TBC1D14: variants seen among roughly 807,000 people sequenced by gnomAD.
TBC1D14 encodes the protein TBC1 domain family member 14.
In TBC1D14, 26 loss-of-function variants were observed where a neutral mutation model predicts 79.0. That is an observed-to-expected ratio of 0.33 (90% CI 0.24 to 0.46). The LOEUF (loss-of-function observed/expected upper bound fraction) is 0.46. TBC1D14 is among the 20% of genes least tolerant of loss of function. The pLI is 1.00. For missense variants in TBC1D14, 769 were observed against 887.6 expected (o/e 0.87, Z 1.70); for synonymous variants, 394 against 349.9 (o/e 1.13, Z -1.40).
intron 2 of TBC1D14, among the ~76,000 whole-genome samples, chr4:6,956,384 G>C (rs1446618166): frequency 1.3e-5 from 2 of 152,178 alleles, no homozygotes; most frequent in African/African-American, 4.8e-5. Context: ...TGGAAACCCA[G>C]GTTTTTCTGT....
intron 2 of TBC1D14, among the ~76,000 whole-genome samples, chr4:6,933,389 T>C (rs13149280): frequency 0.65 from 94,206 of 144,720 alleles, 31,231 homozygotes; most frequent in South Asian, 0.8. Flanking sequence ...ACTGCAGACT[T>C]GAACTCCCAG....
Position 6,924,014 on chromosome 4 carries a change from A to G in TBC1D14, c.625A>G (p.Lys209Glu). 1 of 1,614,182 alleles carries G rather than the reference A, an allele frequency of 6.2e-7. No individual in the cohort carries two copies. The highest frequency in any genetic ancestry group is 1.7e-5 in the Admixed American group (1 of 60,026). The change falls in exon 2 of 14, where the codon AAG (lysine) becomes GAG (glutamate). Residue 209 changes from lysine to glutamate, a missense_variant. Lys to Glu is a moderately conservative substitution (Grantham distance 56). This residue lies in a region of TBC1D14 where 402 missense variants were observed against 393.2 expected (regional missense o/e 1.02). Coordinates refer to ENST00000409757, the MANE Select transcript of TBC1D14 (RefSeq NM_020773.3). Reference sequence around the variant, plus strand: ...TACCAACGTCACCTTGAGCTCTATCAAGGAAACCCGTGGCTTACACCAGCA... The same window carrying G: ...TACCAACGTCACCTTGAGCTCTATCGAGGAAACCCGTGGCTTACACCAGCA... The part of the protein sequence containing the change: ...QFTNVTLSSI[K>E]ETRGLHQQDC...
At position 6,923,892 on chromosome 4, in the gene TBC1D14, C is replaced by G. The variant is rs1213861114; in HGVS notation, c.503C>G (p.Thr168Ser). The change falls in exon 2 of 14, where the codon ACC becomes AGC. Residue 168 changes from threonine to serine, a missense_variant. By Grantham distance (58) the Thr-to-Ser change is moderately conservative. This residue lies in a region of TBC1D14 where 402 missense variants were observed against 393.2 expected (regional missense o/e 1.02). Coordinates refer to ENST00000409757, the MANE Select transcript of TBC1D14 (RefSeq NM_020773.3). Reference sequence around the variant, plus strand: ...TCCAGTCTTGGGACAGAGCTGTCCACCACGCTGTCCGTCAGCAATGAGGAC... The same window carrying G: ...TCCAGTCTTGGGACAGAGCTGTCCAGCACGCTGTCCGTCAGCAATGAGGAC... ...SVSSLGTELS[T>S]TLSVSNEDIL... The G allele has an allele frequency of 6.2e-7, 1 of 1,614,166 alleles. No homozygotes were observed. Among genetic ancestry groups the G allele is most frequent in the Admixed American group, 1.7e-5 (1 of 60,030 alleles).
chr4:6,919,749 T>C (rs1187393617), intron 1 of TBC1D14, among the ~76,000 whole-genome samples: 1 of 151,988 alleles, frequency 6.6e-6, no homozygotes, highest in Non-Finnish European at 1.5e-5. Context: ...GCCTCCTGAG[T>C]AGCTAGGATT....
At chr4:6,967,447 G>T in intron 3 of TBC1D14, 23 bp downstream of exon 3, 1 of 1,608,098 alleles carries the variant, frequency 6.2e-7, no homozygotes, top group Non-Finnish European at 8.5e-7. Flanking sequence ...CAAAATCACA[G>T]AAATAGGCTG....
At chr4:6,942,082 A>G (rs4689058) in intron 2 of TBC1D14, among the ~76,000 whole-genome samples, 148,217 of 152,348 alleles carry the variant, frequency 0.97, 72,237 homozygotes, top group Middle Eastern at 1. Context: ...TTGCCCAGAT[A>G]GGGATAGAAT....
intron 2 of TBC1D14, among the ~76,000 whole-genome samples, chr4:6,953,635 A>AAAAAT (rs1714325818): frequency 6.7e-6 from 1 of 148,748 alleles, no homozygotes; most frequent in Non-Finnish European, 1.5e-5. Flanking sequence ...GTCTCAAAAA[A>AAAAAT]AAAAAAAAAA....
chr4:6,959,730 T>A (rs1473517880), intron 2 of TBC1D14, among the ~76,000 whole-genome samples: 1 of 152,212 alleles, frequency 6.6e-6, no homozygotes, highest in Non-Finnish European at 1.5e-5. Flanking sequence ...AAGGCCTTGT[T>A]TTTTGGTACC....
intron 2 of TBC1D14, among the ~76,000 whole-genome samples, chr4:6,936,780 C>T (rs1712374457): frequency 6.6e-6 from 1 of 152,220 alleles, no homozygotes; most frequent in African/African-American, 2.4e-5. Flanking sequence ...CACATCCTCC[C>T]CAGCGTTTGC....
chr4:6,983,000 T>G (rs749062424), intron 3 of TBC1D14, among the ~76,000 whole-genome samples: 2 of 152,242 alleles, frequency 1.3e-5, no homozygotes, highest in Non-Finnish European at 1.5e-5. Flanking sequence ...CTTTTGTATT[T>G]TGTTCTGTGT....
At chr4:6,987,552 G>A in intron 3 of TBC1D14, 1 of 421,994 alleles carries the variant, frequency 2.4e-6, no homozygotes, top group Non-Finnish European at 4.1e-6. Context: ...CTGCTGATGC[G>A]CTCTCCTCCC....
At chr4:7,010,999 T>C (rs2109252073) in intron 11 of TBC1D14, among the ~76,000 whole-genome samples, 1 of 152,360 alleles carries the variant, frequency 6.6e-6, no homozygotes, top group South Asian at 2.1e-4. Context: ...GGTTTCTTAA[T>C]ACGTTCTCTC....
intron 3 of TBC1D14, among the ~76,000 whole-genome samples, chr4:6,979,177 C>G (rs1333960113): frequency 1.3e-5 from 2 of 151,960 alleles, no homozygotes; most frequent in Non-Finnish European, 2.9e-5. Flanking sequence ...AAGCTTGAAT[C>G]AAGACAGGAA....
intron 2 of TBC1D14, among the ~76,000 whole-genome samples, chr4:6,931,486 C>T (rs767056955): frequency 1.3e-5 from 2 of 152,128 alleles, no homozygotes; most frequent in Non-Finnish European, 2.9e-5. Flanking sequence ...CTGATGGTGT[C>T]ACTGCACACA....
At chr4:6,953,000 C>T (rs1161259947) in intron 2 of TBC1D14, among the ~76,000 whole-genome samples, 1 of 149,376 alleles carries the variant, frequency 6.7e-6, no homozygotes, top group Non-Finnish European at 1.5e-5. Context: ...CACTGTCACG[C>T]CTAGCTAACT....
intron 2 of TBC1D14, among the ~76,000 whole-genome samples, chr4:6,960,081 C>CCTT (rs1553860268): frequency 8.4e-5 from 11 of 131,312 alleles, no homozygotes; most frequent in Non-Finnish European, 1.4e-4. Context: ...CCCTGTGCCC[C>CCTT]TTTTTTTTTT....
chr4:6,923,579 G>C lies in TBC1D14; in HGVS notation c.190G>C (p.Val64Leu). 6.2e-7 allele frequency: 1 copy of C among 1,614,096 alleles called. No individual in the cohort carries two copies. Among genetic ancestry groups the C allele is most frequent in the South Asian group, 1.1e-5 (1 of 91,086 alleles). ...AGAAGACCGGCACAGCCTCCAGTCC[G>C]TGGACTCGGGGATTCCTACCCTGGA... ...ALEDRHSLQS[V>L]DSGIPTLEIG... Residue 64 changes from valine (V) to leucine (L), a missense_variant, in exon 2 of 14, where the codon GTG (valine) becomes CTG (leucine). Val to Leu is a conservative substitution (Grantham distance 32). Coordinates refer to ENST00000409757, the MANE Select transcript of TBC1D14 (RefSeq NM_020773.3).
At chr4:6,979,882 A>G (rs536698548) in intron 3 of TBC1D14, among the ~76,000 whole-genome samples, 2 of 152,356 alleles carry the variant, frequency 1.3e-5, no homozygotes, top group East Asian at 3.9e-4. Flanking sequence ...ATGTATTTGC[A>G]CTTCATAACA....
At chr4:6,939,875 C>T (rs1159309048) in intron 2 of TBC1D14, among the ~76,000 whole-genome samples, 2 of 152,158 alleles carry the variant, frequency 1.3e-5, no homozygotes, top group East Asian at 1.9e-4. Flanking sequence ...GCGGGTGAAG[C>T]GTGTTCTTCC....
Sources: allele counts gnomAD v4.1 joint callset (sites outside exome capture counted in the v4.1 genomes callset), GRCh38; gene constraint gnomAD v4.1.1; regional missense constraint gnomAD v4.1.1; transcripts MANE v1.5; gene names NCBI Gene and HGNC (gene_info 2026-07-23, HGNC 2026-07-21).